The following DACH1 variants were observed in gnomAD, a reference collection of about 807,000 sequenced individuals.
DACH1 encodes dachshund homolog 1.
A neutral mutation model predicts 54.2 loss-of-function variants in DACH1; 12 were observed. The observed-to-expected ratio is 0.22, with a 90% confidence interval of 0.14 to 0.36. The LOEUF is 0.36. DACH1 is among the 10% of genes least tolerant of loss of function. The pLI, the probability that DACH1 is intolerant of heterozygous loss-of-function variation, is 1.00. For missense variants in DACH1, 805 were observed against 929.8 expected, an observed-to-expected ratio of 0.87 and a Z score of 1.75; for synonymous variants, 386 against 366.2, an observed-to-expected ratio of 1.05 and a Z score of -0.62.
intron 6 of DACH1, among the ~76,000 whole-genome samples, chr13:71,519,298 T>C (rs997523518): frequency 6.6e-6 from 1 of 151,870 alleles, no homozygotes; most frequent in Non-Finnish European, 1.5e-5. Flanking sequence ...TATAATGTTA[T>C]TCTATGACGG....
intron 6 of DACH1, among the ~76,000 whole-genome samples, chr13:71,499,433 A>G (rs1222419623): frequency 2.0e-5 from 3 of 152,214 alleles, no homozygotes; most frequent in Non-Finnish European, 4.4e-5. Flanking sequence ...TAAGAGCACA[A>G]CGGAAACAAT....
chr13:71,825,294 T>C (rs1888337219), intron 1 of DACH1, among the ~76,000 whole-genome samples: 1 of 152,120 alleles, frequency 6.6e-6, no homozygotes, highest in Admixed American at 6.6e-5. Context: ...TTTAATATAC[T>C]TCCTTTTCAC....
intron 1 of DACH1, among the ~76,000 whole-genome samples, chr13:71,694,002 G>T (rs2138731501): frequency 6.6e-6 from 1 of 152,218 alleles, no homozygotes; most frequent in East Asian, 1.9e-4. Context: ...TTGCTCCTTA[G>T]AGATGTAGTC....
chr13:71,732,140 A>T (rs1211872257), intron 1 of DACH1, among the ~76,000 whole-genome samples: 1 of 152,180 alleles, frequency 6.6e-6, no homozygotes, highest in South Asian at 2.1e-4. Context: ...AGGCTCCAGA[A>T]TATGAAAGAC....
At chr13:71,478,183 A>C (rs1479716749) in intron 8 of DACH1, among the ~76,000 whole-genome samples, 2 of 152,206 alleles carry the variant, frequency 1.3e-5, no homozygotes, top group Admixed American at 6.5e-5. Flanking sequence ...GAATACAGCC[A>C]TTATCAATGT....
chr13:71,863,289 G>A (rs1186003053), intron 1 of DACH1, among the ~76,000 whole-genome samples: 2 of 152,240 alleles, frequency 1.3e-5, no homozygotes, highest in Non-Finnish European at 2.9e-5. Flanking sequence ...CAGTGGCAGA[G>A]TTAGGAAAAC....
intron 1 of DACH1, among the ~76,000 whole-genome samples, chr13:71,687,178 C>A (rs1881209952): frequency 6.6e-6 from 1 of 152,048 alleles, no homozygotes; most frequent in Admixed American, 6.6e-5. Flanking sequence ...GGAAACTGCT[C>A]CTACAAAACC....
In DACH1 at chr13:71,735,198, TG is replaced by T. The variant is rs780570347; in HGVS notation, c.849-53289del. On this transcript the variant is annotated intron_variant, in intron 1 of 10. Transcript: ENST00000613252. Reference sequence around the variant, plus strand: ...CGTATATGGGATATACGTATGTATATGGGATACACGTATATGGGATATACAT... The same window carrying T: ...CGTATATGGGATATACGTATGTATATGGATACACGTATATGGGATATACAT... Among the ~76,000 whole-genome samples, 17 of 149,968 alleles carry T rather than the reference TG, an allele frequency of 1.1e-4. 1 individual carries two copies. The highest frequency in any genetic ancestry group is 3.4e-4 in the African/African-American group (14 of 40,750).
At chr13:71,673,893 C>G (rs1332099862) in intron 2 of DACH1, among the ~76,000 whole-genome samples, 1 of 152,094 alleles carries the variant, frequency 6.6e-6, no homozygotes, top group East Asian at 1.9e-4. Flanking sequence ...AACCTATAAA[C>G]AAACAAATAA....
chr13:71,689,672 C>T (rs1398827501), intron 1 of DACH1, among the ~76,000 whole-genome samples: 1 of 152,072 alleles, frequency 6.6e-6, no homozygotes, highest in African/African-American at 2.4e-5. Context: ...CTGAAGTCTC[C>T]AGCTCAGTTG....
intron 1 of DACH1, among the ~76,000 whole-genome samples, chr13:71,703,362 G>A (rs1882256618): frequency 6.6e-6 from 1 of 152,126 alleles, no homozygotes; most frequent in South Asian, 2.1e-4. Context: ...GTCTGACATG[G>A]ACCAACATAG....
At chr13:71,658,479 G>A (rs991599510) in intron 2 of DACH1, among the ~76,000 whole-genome samples, 7 of 152,232 alleles carry the variant, frequency 4.6e-5, no homozygotes, top group African/African-American at 1.4e-4. Context: ...GAACCCGGGA[G>A]GCTGAGGTTG....
Position 71,756,681 on chromosome 13 carries a change from A to G in DACH1, c.849-74771T>C, listed in dbSNP as rs547453471. ...GTCTAATGAGGAAGACTGATATAAA[A>G]TGGTATAATTATAATACAAAACAAT... On this transcript the variant is annotated intron_variant, in intron 1 of 10. Transcript: ENST00000613252. Among the ~76,000 whole-genome samples the G allele has an allele frequency of 8.5e-5, 13 of 152,340 alleles. No individual in the cohort carries two copies. In the South Asian group the frequency reaches 2.5e-3, roughly 29 times the overall value.
At chr13:71,588,584 A>G (rs1873447479) in intron 3 of DACH1, among the ~76,000 whole-genome samples, 1 of 152,090 alleles carries the variant, frequency 6.6e-6, no homozygotes, top group East Asian at 1.9e-4. Context: ...TTCAAATGCA[A>G]TATAAAGTAC....
At chr13:71,752,215 T>C (rs1234983900) in intron 1 of DACH1, among the ~76,000 whole-genome samples, 1 of 152,182 alleles carries the variant, frequency 6.6e-6, no homozygotes, top group Non-Finnish European at 1.5e-5. Flanking sequence ...TCTGAGCTAT[T>C]ACAGTGCATG....
intron 1 of DACH1, among the ~76,000 whole-genome samples, chr13:71,762,421 T>C (rs1885436912): frequency 6.6e-6 from 1 of 152,072 alleles, no homozygotes; most frequent in African/African-American, 2.4e-5. Flanking sequence ...GAGTAAGTGA[T>C]ATGAAGAAAA....
At chr13:71,730,556 TC>T (rs2137909739) in intron 1 of DACH1, among the ~76,000 whole-genome samples, 1 of 152,278 alleles carries the variant, frequency 6.6e-6, no homozygotes, top group South Asian at 2.1e-4. Flanking sequence ...TTTAATTTCT[TC>T]CTTTATATAT....
chr13:71,457,510 T>A (rs1012896686), intron 10 of DACH1, among the ~76,000 whole-genome samples: 3 of 151,920 alleles, frequency 2.0e-5, no homozygotes, highest in Admixed American at 2.0e-4. Context: ...TTCAAATCCA[T>A]CCTTTCTAAC....
intron 1 of DACH1, among the ~76,000 whole-genome samples, chr13:71,825,881 A>G (rs541993321): frequency 6.6e-6 from 1 of 152,260 alleles, no homozygotes; most frequent in African/African-American, 2.4e-5. Flanking sequence ...ATTAGAATCT[A>G]TAATATTTTG....
Sources: gnomAD v4.1 joint callset for allele counts (sites outside exome capture counted in the v4.1 genomes callset) on GRCh38, gnomAD v4.1.1 for gene constraint, MANE v1.5 for transcripts, NCBI Gene and HGNC (gene_info 2026-07-23, HGNC 2026-07-21) for gene names.